The following VAMP7 variants were observed in gnomAD, a reference collection of about 807,000 sequenced individuals.
VAMP7 encodes vesicle-associated membrane protein 7.
Under a neutral mutation model 29.6 loss-of-function variants are expected in VAMP7, and 14 were observed. That is an observed-to-expected ratio of 0.47 (90% CI 0.31 to 0.74). The LOEUF (loss-of-function observed/expected upper bound fraction) is 0.74. Ranked by LOEUF, VAMP7 falls within the 30% of genes least tolerant of loss-of-function variation. The probability of loss-of-function intolerance (pLI) is 0.05; values close to 1 mark genes in which losing one functional copy is unlikely to be tolerated. For missense variants in VAMP7, 223 were observed against 262.4 expected (o/e 0.85, Z 1.04); for synonymous variants, 95 against 88.1 (o/e 1.08, Z -0.44).
intron 1 of VAMP7, among the ~76,000 whole-genome samples, chrX:155,886,107 T>C (rs2065862589): frequency 6.6e-6 from 1 of 152,166 alleles, no homozygotes; most frequent in Non-Finnish European, 1.5e-5. Context: ...TCTCTCTGGC[T>C]TATCTTTTCA....
chrX:155,942,091 C>G lies in VAMP7; in HGVS notation c.*140C>G. 1.3e-6 allele frequency: 2 copies of G among 1,558,834 alleles called. No homozygotes were observed. Among genetic ancestry groups the G allele is most frequent in the Non-Finnish European group, 1.7e-6 (2 of 1,150,512 alleles). Reference sequence around the variant, plus strand: ...TCTTCTCACTTTTTAAAATCTTGTTCCATGCCTCCAGGTTTATCTTTGTCT... The same window carrying G: ...TCTTCTCACTTTTTAAAATCTTGTTGCATGCCTCCAGGTTTATCTTTGTCT... On this transcript the variant is annotated 3_prime_UTR_variant, in exon 8 of 8. Coordinates refer to ENST00000286448, the MANE Select transcript of VAMP7 (RefSeq NM_005638.6).
At chrX:155,888,681 T>C (rs947226183) in intron 1 of VAMP7, among the ~76,000 whole-genome samples, 3 of 152,148 alleles carry the variant, frequency 2.0e-5, no homozygotes, top group African/African-American at 7.2e-5. Context: ...TTATGAAGGG[T>C]CTTACCATTC....
intron 2 of VAMP7, among the ~76,000 whole-genome samples, chrX:155,891,665 C>T (rs746046091): frequency 6.6e-6 from 1 of 152,350 alleles, no homozygotes; most frequent in East Asian, 1.9e-4. Flanking sequence ...ACTCCCTATT[C>T]TGACCAGGAA....
intron 5 of VAMP7, among the ~76,000 whole-genome samples, chrX:155,906,434 C>T (rs2066148499): frequency 6.6e-6 from 1 of 152,152 alleles, no homozygotes; most frequent in African/African-American, 2.4e-5. Flanking sequence ...CTCAATCTCT[C>T]CCCTCCATTG....
At chrX:155,923,975 A>G (rs1440991285) in intron 6 of VAMP7, among the ~76,000 whole-genome samples, 1 of 152,070 alleles carries the variant, frequency 6.6e-6, no homozygotes, top group Non-Finnish European at 1.5e-5. Flanking sequence ...TCTCCTTAAC[A>G]TGTGCATACT....
At chrX:155,927,869 A>G (rs1416096377) in intron 6 of VAMP7, among the ~76,000 whole-genome samples, 1 of 151,852 alleles carries the variant, frequency 6.6e-6, no homozygotes, top group Non-Finnish European at 1.5e-5. Flanking sequence ...TCTTACTTGA[A>G]AAATAATGAT....
intron 3 of VAMP7, among the ~76,000 whole-genome samples, chrX:155,897,498 G>A (rs1212391822): frequency 6.6e-6 from 1 of 152,114 alleles, no homozygotes; most frequent in African/African-American, 2.4e-5. Flanking sequence ...AGTTAGAGTC[G>A]AGCCTCATAT....
chrX:155,905,090 T>C (rs1172406800), intron 5 of VAMP7, among the ~76,000 whole-genome samples: 1 of 151,862 alleles, frequency 6.6e-6, no homozygotes, highest in Non-Finnish European at 1.5e-5. Context: ...TGCCAAAACT[T>C]ATCTTTTTTG....
intron 6 of VAMP7, among the ~76,000 whole-genome samples, chrX:155,933,981 T>C (rs886883788): frequency 6.6e-6 from 1 of 152,216 alleles, no homozygotes; most frequent in African/African-American, 2.4e-5. Context: ...CAGGAGCAGG[T>C]TGTTCAGTCT....
At chrX:155,912,635 C>T (rs1463141652) in intron 5 of VAMP7, among the ~76,000 whole-genome samples, 1 of 151,896 alleles carries the variant, frequency 6.6e-6, no homozygotes, top group Non-Finnish European at 1.5e-5. Flanking sequence ...CCTTTCTTAC[C>T]TTGCTGAGAA....
chrX:155,918,111 G>A (rs1569445419), intron 5 of VAMP7, among the ~76,000 whole-genome samples: 4 of 152,118 alleles, frequency 2.6e-5, no homozygotes, highest in Admixed American at 2.6e-4. Context: ...ACACAGTGAG[G>A]GGAAAACTGC....
intron 6 of VAMP7, among the ~76,000 whole-genome samples, chrX:155,927,453 A>G (rs183131569): frequency 0.021 from 3,060 of 145,336 alleles, 39 homozygotes; most frequent in Non-Finnish European, 0.035. Context: ...TAGTCTCATC[A>G]TGGGGTTTCC....
intron 1 of VAMP7, among the ~76,000 whole-genome samples, chrX:155,882,601 G>A (rs1162100635): frequency 6.6e-6 from 1 of 152,120 alleles, no homozygotes; most frequent in East Asian, 1.9e-4. Flanking sequence ...ATCTGTAGTT[G>A]GTTTATTCCT....
intron 6 of VAMP7, among the ~76,000 whole-genome samples, chrX:155,932,772 C>T (rs1369696068): frequency 6.6e-6 from 1 of 152,150 alleles, no homozygotes; most frequent in African/African-American, 2.4e-5. Flanking sequence ...AGAGGGCATC[C>T]CTATCTTGTG....
chrX:155,906,264 T>C (rs757528093), intron 5 of VAMP7, among the ~76,000 whole-genome samples: 1 of 152,272 alleles, frequency 6.6e-6, no homozygotes, highest in South Asian at 2.1e-4. Context: ...ATATTTGTTA[T>C]ATAAGTCCGG....
intron 6 of VAMP7, among the ~76,000 whole-genome samples, chrX:155,929,354 T>C (rs1445480673): frequency 6.6e-6 from 1 of 152,166 alleles, no homozygotes; most frequent in Non-Finnish European, 1.5e-5. Flanking sequence ...AAGCTATTGA[T>C]TGCTATACAT....
intron 2 of VAMP7, among the ~76,000 whole-genome samples, chrX:155,895,352 A>G (rs1356357889): frequency 1.3e-5 from 2 of 152,178 alleles, no homozygotes; most frequent in Admixed American, 6.5e-5. Flanking sequence ...TAAGAGTCCA[A>G]TTATGCTTTT....
intron 6 of VAMP7, among the ~76,000 whole-genome samples, chrX:155,925,532 T>C (rs1019408074): frequency 6.6e-6 from 1 of 152,110 alleles, no homozygotes; most frequent in Non-Finnish European, 1.5e-5. Context: ...GTGCCCAAGG[T>C]GGTCAAAGCC....
chrX:155,881,655 T>C (rs1187905174), intron 1 of VAMP7, among the ~76,000 whole-genome samples: 1 of 151,900 alleles, frequency 6.6e-6, no homozygotes, highest in Non-Finnish European at 1.5e-5. Flanking sequence ...AGTTAAAGAG[T>C]GTCAGAATGC....
Sources: gnomAD v4.1 joint callset for allele counts (sites outside exome capture counted in the v4.1 genomes callset) on GRCh38, gnomAD v4.1.1 for gene constraint, MANE v1.5 for transcripts, NCBI Gene and HGNC (gene_info 2026-07-23, HGNC 2026-07-21) for gene names.